Variants in MALRD1 observed in about 807,000 individuals in gnomAD.
The protein encoded by MALRD1 is MAM and LDL-receptor class A domain-containing protein 1.
MALRD1 carries 247 observed loss-of-function variants against 242.1 expected under a neutral mutation model. The ratio of observed to expected loss-of-function variants is 1.02; its 90% CI spans 0.92 to 1.13. MALRD1 has a LOEUF of 1.13. Ranked by LOEUF, MALRD1 falls within the 50% of genes most tolerant of loss-of-function variation. The probability of loss-of-function intolerance (pLI) is 0.00; values close to 1 mark genes in which losing one functional copy is unlikely to be tolerated. For synonymous variants in MALRD1, 995 were observed against 866.6 expected (o/e 1.15, Z -2.60); for missense variants, 2,989 against 2,533.1 (o/e 1.18, Z -3.86).
intron 28 of MALRD1, among the ~76,000 whole-genome samples, chr10:19,446,609 T>A (rs944562008): frequency 3.9e-5 from 6 of 152,182 alleles, no homozygotes; most frequent in African/African-American, 1.2e-4. Context: ...AAGGAAAGAC[T>A]GGCATAAAGT....
intron 21 of MALRD1, among the ~76,000 whole-genome samples, chr10:19,303,404 C>G (rs1842033980): frequency 6.6e-6 from 1 of 151,558 alleles, no homozygotes; most frequent in South Asian, 2.1e-4. Context: ...TGGCAGTGAT[C>G]AGAAATCACA....
rs989594223 is a variant in MALRD1, at chr10:19,577,443, C to T, written c.5680+9740C>T. Among the ~76,000 whole-genome samples, 4 of 152,170 alleles carry T rather than the reference C, an allele frequency of 2.6e-5. No individual in the cohort carries two copies. In the South Asian group the frequency reaches 6.2e-4, roughly 24 times the overall value. On this transcript the variant is annotated intron_variant, in intron 33 of 39. Transcript: ENST00000454679. ...CTTAAGGGAGTAAAACCTGGATTCCCTGCTTGTCAGCCTTTGGAGGAGTCT... is the reference window on the plus strand; with the variant it reads ...CTTAAGGGAGTAAAACCTGGATTCCTTGCTTGTCAGCCTTTGGAGGAGTCT...
chr10:19,063,386 G>A (rs1834879927), intron 1 of MALRD1, among the ~76,000 whole-genome samples: 1 of 152,044 alleles, frequency 6.6e-6, no homozygotes, highest in Admixed American at 6.6e-5. Flanking sequence ...ATTATGTTGT[G>A]TTGCTTTACC....
At chr10:19,509,715 C>T (rs924850865) in intron 31 of MALRD1, among the ~76,000 whole-genome samples, 4 of 152,078 alleles carry the variant, frequency 2.6e-5, no homozygotes, top group African/African-American at 7.2e-5. Context: ...TGAATGGCTA[C>T]GCACAAGCAT....
intron 28 of MALRD1, among the ~76,000 whole-genome samples, chr10:19,431,784 T>G (rs893590318): frequency 6.6e-6 from 1 of 152,176 alleles, no homozygotes; most frequent in African/African-American, 2.4e-5. Context: ...GTCCAATAAT[T>G]TTGCCATAAA....
rs77728156 is a variant in MALRD1 at position 19,522,220 on chromosome 10, C to T, written c.5321-8974C>T. On this transcript the variant is annotated intron_variant, in intron 31 of 39. Coordinates refer to ENST00000454679, the MANE Select transcript of MALRD1 (RefSeq NM_001142308.3). ...TCATTTTAATTCTTATGTTCTTCTTCTACAAACTGAGTTCTTGTACCTCAG... is the reference window on the plus strand; with the variant it reads ...TCATTTTAATTCTTATGTTCTTCTTTTACAAACTGAGTTCTTGTACCTCAG... Among the ~76,000 whole-genome samples the T allele has an allele frequency of 2.0e-3, 311 of 152,186 alleles. 1 individual carries two copies. The highest frequency in any genetic ancestry group is 7.2e-3 in the African/African-American group (301 of 41,538).
At position 19,650,805 on chromosome 10, in the gene MALRD1, AG is replaced by A. The variant is rs542168220; in HGVS notation, c.6137+34884del. On this transcript the variant is annotated intron_variant, in intron 36 of 39. Coordinates refer to ENST00000454679, the MANE Select transcript of MALRD1 (RefSeq NM_001142308.3). ...TCTCAAGCACCTTTCAATTCAGCTCAGGCTCTCCGAGCTGCCTCCTTTGTCT... is the reference window on the plus strand; with the variant it reads ...TCTCAAGCACCTTTCAATTCAGCTCAGCTCTCCGAGCTGCCTCCTTTGTCT... Among the ~76,000 whole-genome samples the A allele has an allele frequency of 2.0e-3, 309 of 152,320 alleles. 2 individuals carry two copies. The highest frequency in any genetic ancestry group is 6.1e-3 in the African/African-American group (253 of 41,588).
chr10:19,440,763 T>C (rs1834597924), intron 28 of MALRD1, among the ~76,000 whole-genome samples: 1 of 152,228 alleles, frequency 6.6e-6, no homozygotes, highest in South Asian at 2.1e-4. Context: ...TTTGGGTTGG[T>C]TCCAGGTCTT....
intron 33 of MALRD1, among the ~76,000 whole-genome samples, chr10:19,589,295 ATATATATAGCTG>A (rs1837627675): frequency 6.6e-6 from 1 of 152,164 alleles, no homozygotes; most frequent in African/African-American, 2.4e-5. Context: ...ATGTCTATAT[ATATATATAGCTG>A]TATATATAGC....
At chr10:19,165,281 T>TATATATA (rs1834639988) in intron 12 of MALRD1, among the ~76,000 whole-genome samples, 1 of 95,676 alleles carries the variant, frequency 1.0e-5, no homozygotes, top group African/African-American at 5.3e-5. Flanking sequence ...TTTTGTTTTG[T>TATATATA]TTTTGTTTTG....
chr10:19,729,756 A>C (rs1835206015), intron 38 of MALRD1, among the ~76,000 whole-genome samples: 1 of 48,402 alleles, frequency 2.1e-5, no homozygotes, highest in Non-Finnish European at 3.8e-5. Context: ...TTTTTTTTTG[A>C]GACGGAGTCT....
At chr10:19,204,755 G>T (rs942069908) in intron 16 of MALRD1, 143 bp from the exon 17 acceptor site, 25 of 902,854 alleles carry the variant, frequency 2.8e-5, no homozygotes, top group Non-Finnish European at 3.9e-5. Context: ...CTTGCAAATG[G>T]ACAGCCACAG....
chr10:19,693,101 A>G (rs998480578), intron 38 of MALRD1, among the ~76,000 whole-genome samples: 2 of 151,862 alleles, frequency 1.3e-5, no homozygotes, highest in Non-Finnish European at 2.9e-5. Context: ...ATTTATGACA[A>G]ACCCACAGCC....
At chr10:19,389,667 T>A (rs1040684549) in intron 28 of MALRD1, 58 bp downstream of exon 28, 20 of 1,487,114 alleles carry the variant, frequency 1.3e-5, no homozygotes, top group Non-Finnish European at 1.7e-5. Context: ...AGAGACAGGG[T>A]CTTGCTCTGT....
At chr10:19,200,844 C>T (rs994427321) in intron 14 of MALRD1, among the ~76,000 whole-genome samples, 1 of 151,870 alleles carries the variant, frequency 6.6e-6, no homozygotes, top group Non-Finnish European at 1.5e-5. Context: ...TTTCTCACAG[C>T]AACTAAAAGC....
chr10:19,061,039 G>A (rs978220651), intron 1 of MALRD1, among the ~76,000 whole-genome samples: 3 of 152,152 alleles, frequency 2.0e-5, no homozygotes, highest in African/African-American at 7.2e-5. Flanking sequence ...AACACCACAT[G>A]TTCTCACTTA....
intron 11 of MALRD1, among the ~76,000 whole-genome samples, chr10:19,148,923 A>G (rs1470294409): frequency 6.6e-6 from 1 of 151,696 alleles, no homozygotes; most frequent in Non-Finnish European, 1.5e-5. Flanking sequence ...AAAATGAAAA[A>G]GGACCAGGAA....
chr10:19,112,628 G>A (rs924475359), intron 5 of MALRD1, among the ~76,000 whole-genome samples: 1 of 152,138 alleles, frequency 6.6e-6, no homozygotes, highest in African/African-American at 2.4e-5. Context: ...TTTTGGGCAG[G>A]AAGAAGGTAG....
chr10:19,362,770 A>G (rs958103609), intron 26 of MALRD1, among the ~76,000 whole-genome samples: 1 of 152,154 alleles, frequency 6.6e-6, no homozygotes, highest in South Asian at 2.1e-4. Context: ...GCTGTAATGT[A>G]GAGAGATTTC....
Sources: allele counts gnomAD v4.1 joint callset (sites outside exome capture counted in the v4.1 genomes callset), GRCh38; gene constraint gnomAD v4.1.1; transcripts MANE v1.5; gene names NCBI Gene and HGNC (gene_info 2026-07-23, HGNC 2026-07-21).